Variants in NBPF14 observed in about 807,000 individuals in gnomAD.
The protein encoded by NBPF14 is NBPF family member NBPF14.
Under a neutral mutation model 91.2 loss-of-function variants are expected in NBPF14, and 104 were observed. The observed-to-expected ratio is 1.14, with a 90% confidence interval of 0.97 to 1.34. The LOEUF is 1.34. Ranked by LOEUF, NBPF14 falls within the 40% of genes most tolerant of loss-of-function variation. The probability of loss-of-function intolerance (pLI) is 0.00; values close to 1 mark genes in which losing one functional copy is unlikely to be tolerated. For missense variants in NBPF14, 908 were observed against 783.0 expected (o/e 1.16, Z -1.91); for synonymous variants, 294 against 303.8 (o/e 0.97, Z 0.34).
At chr1:148,534,573 T>G (rs1225805836) in intron 69 of NBPF14, 111 bp downstream of exon 69, 4 of 795,404 alleles carry the variant, frequency 5.0e-6, no homozygotes, top group East Asian at 2.4e-5. Flanking sequence ...CCATAGGTCC[T>G]GCCTGCGGCA....
intron 39 of NBPF14, among the ~76,000 whole-genome samples, chr1:148,557,780 A>C (rs1336169329): frequency 1.7e-5 from 2 of 118,664 alleles, no homozygotes; most frequent in African/African-American, 4.2e-5. Flanking sequence ...ATTTATCCCA[A>C]GTTTGTGCAA....
At chr1:148,571,270 C>CAG (rs1659117866) in intron 22 of NBPF14, among the ~76,000 whole-genome samples, 1 of 83,114 alleles carries the variant, frequency 1.2e-5, no homozygotes. Context: ...CACACACACA[C>CAG]ACACAGAGAG....
chr1:148,589,825 C>T (rs1376097087), intron 6 of NBPF14, among the ~76,000 whole-genome samples: 29 of 148,036 alleles, frequency 2.0e-4, no homozygotes, highest in African/African-American at 6.6e-4. Context: ...CTCTGCCGTC[C>T]GGGTTCAAGC....
chr1:148,533,557 C>G (rs1376746949), intron 70 of NBPF14, among the ~76,000 whole-genome samples: 1 of 149,328 alleles, frequency 6.7e-6, no homozygotes, highest in South Asian at 2.1e-4. Flanking sequence ...TCATGACACA[C>G]AGCAAACTGT....
intron 43 of NBPF14, among the ~76,000 whole-genome samples, chr1:148,554,778 T>A (rs1284078110): frequency 6.8e-6 from 1 of 147,032 alleles, no homozygotes; most frequent in South Asian, 2.1e-4. Context: ...CCACAAGATC[T>A]ACAAAATTGA....
chr1:148,561,732 C>G (rs1272853689), intron 34 of NBPF14, among the ~76,000 whole-genome samples, 153 bp from the exon 35 acceptor site: 2 of 111,932 alleles, frequency 1.8e-5, no homozygotes, highest in Admixed American at 8.3e-5. Flanking sequence ...CATGTTGGGA[C>G]AGAACAGGGC....
At chr1:148,533,391 GC>G (rs1265320558) in intron 70 of NBPF14, 143 bp from the exon 71 acceptor site, 1 of 585,140 alleles carries the variant, frequency 1.7e-6, no homozygotes, top group African/African-American at 2.0e-5. Flanking sequence ...AAAATTTATT[GC>G]CTTTATGTTG....
exon 69 of NBPF14, chr1:148,534,853 G>A (rs1229607600): frequency 3.0e-6 from 3 of 988,586 alleles, no homozygotes; most frequent in Admixed American, 1.7e-5. Flanking sequence ...GCTCCCTGCT[G>A]AGCCTGGAAA....
chr1:148,559,559 T>A (rs1470014548), intron 37 of NBPF14, among the ~76,000 whole-genome samples: 3 of 120,972 alleles, frequency 2.5e-5, no homozygotes, highest in Non-Finnish European at 4.7e-5. Flanking sequence ...GTCATGAGAG[T>A]AGGATTAGGG....
In NBPF14 at chr1:148,576,044, C is replaced by T. The variant is rs1425572400; in HGVS notation, c.2079-233G>A. ...GAGAGAGAGGAGAAAGTGAGCTCAG[C>T]GAATTGGCCGGGTGACACACTGATG... On this transcript the variant is annotated intron_variant, in intron 16 of 70. Coordinates refer to ENST00000619423, the Ensembl canonical transcript of NBPF14. 9.6e-5 allele frequency among the ~76,000 whole-genome samples: 14 copies of T among 146,490 alleles called. No individual in the cohort carries two copies. In the South Asian group the frequency reaches 1.1e-3, roughly 11 times the overall value.
chr1:148,533,714 T>C, intron 70 of NBPF14, 147 bp downstream of exon 70: 2 of 709,330 alleles, frequency 2.8e-6, no homozygotes, highest in Admixed American at 4.1e-5. Flanking sequence ...AACCTAAACA[T>C]CTACTGCAAT....
intron 20 of NBPF14, among the ~76,000 whole-genome samples, chr1:148,572,828 A>G (rs1448563788): frequency 2.2e-5 from 1 of 45,528 alleles, no homozygotes; most frequent in Non-Finnish European, 3.9e-5. Flanking sequence ...AGACAGAGAC[A>G]GAGACAGAGA....
chr1:148,542,664 C>A, exon 59 of NBPF14: 1 of 58,902 alleles, frequency 1.7e-5, no homozygotes, highest in Admixed American at 2.6e-4. Flanking sequence ...AGTTGAATAA[C>A]ATCTATCCAG....
intron 14 of NBPF14, among the ~76,000 whole-genome samples, chr1:148,577,637 A>G (rs1245724012): frequency 6.7e-6 from 1 of 149,560 alleles, no homozygotes; most frequent in South Asian, 2.1e-4. Context: ...TGAGGGAGTC[A>G]AAGGACACTC....
Position 148,575,611 on chromosome 1 carries a change from C to T in NBPF14, c.2251+28G>A. 3 of 138,794 alleles carry T rather than the reference C, an allele frequency of 2.2e-5. 1 individual carries two copies. Among genetic ancestry groups the T allele is most frequent in the South Asian group, 1.1e-4 (3 of 26,898 alleles). 8.6% of individuals were successfully genotyped at this position (138,794 alleles called of 1,614,324 possible). On this transcript the variant is annotated intron_variant, in intron 17 of 70. Transcript: ENST00000619423. ...CCCTATCTGGAAGACCAGGTGGAGG[C>T]TTATCACCTTCACAGTAAGGTACTC...
intron 30 of NBPF14, 123 bp from the exon 31 acceptor site, chr1:148,564,834 G>T: frequency 7.5e-5 from 1 of 13,358 alleles, no homozygotes; most frequent in Admixed American, 4.1e-4. Flanking sequence ...CCATTAATGA[G>T]GTAACAAATT....
Position 148,534,954 on chromosome 1 carries a change from A to G in NBPF14, c.8442-98T>C. ...GGCTAACATAAGGAACAGTTTAAAA[A>G]GAAAAAGGACAGATCCATTAATGAG... is the stretch of plus-strand genomic sequence containing the variant. On this transcript the variant is annotated intron_variant, in intron 68 of 70. Coordinates refer to ENST00000619423, the Ensembl canonical transcript of NBPF14. 4 of 745,954 alleles carry G rather than the reference A, an allele frequency of 5.4e-6. 1 individual carries two copies. The highest frequency in any genetic ancestry group is 4.3e-5 in the South Asian group (3 of 70,572). 46.2% of individuals were successfully genotyped at this position (745,954 alleles called of 1,614,324 possible). A position where few individuals can be genotyped will look rare whatever the true frequency, so the allele number is the denominator to read the frequency against.
At position 148,535,157 on chromosome 1, in the gene NBPF14, G is replaced by A. The variant is rs1296383335; in HGVS notation, c.8441+296C>T. 4.2e-3 allele frequency among the ~76,000 whole-genome samples: 632 copies of A among 149,294 alleles called. 3 individuals are homozygous for A. The highest frequency in any genetic ancestry group is 6.4e-3 in the Non-Finnish European group (436 of 67,898). On this transcript the variant is annotated intron_variant, in intron 68 of 70. Transcript: ENST00000619423. ...TGAGTTAGTGCCCTCGGGACACACA[G>A]CGAACAGTGATCATGAAAAGAGGGG...
chr1:148,542,168 T>A (rs1655652754), intron 59 of NBPF14, among the ~76,000 whole-genome samples: 3 of 104,550 alleles, frequency 2.9e-5, no homozygotes. Flanking sequence ...ACTGCAATAT[T>A]TAGCCCTGTC....
Sources: gnomAD v4.1 joint callset for allele counts (sites outside exome capture counted in the v4.1 genomes callset) on GRCh38, gnomAD v4.1.1 for gene constraint, MANE v1.5 for transcripts, NCBI Gene and HGNC (gene_info 2026-07-23, HGNC 2026-07-21) for gene names.